The following GAB2 variants were observed in gnomAD, a reference collection of about 807,000 sequenced individuals.
GAB2 encodes GRB2-associated-binding protein 2.
In GAB2, 26 loss-of-function variants were observed where a neutral mutation model predicts 65.5. The ratio of observed to expected loss-of-function variants is 0.40; its 90% CI spans 0.29 to 0.55. The LOEUF (loss-of-function observed/expected upper bound fraction) is 0.55. Among genes scored for constraint, GAB2 ranks in the 20% least tolerant of loss-of-function variants. The pLI is 0.53. For missense variants in GAB2, 884 were observed against 875.8 expected (o/e 1.01, Z -0.12); for synonymous variants, 321 against 329.6 (o/e 0.97, Z 0.28).
intron 1 of GAB2, among the ~76,000 whole-genome samples, chr11:78,355,694 A>AAAAG: frequency 6.6e-6 from 1 of 151,372 alleles, no homozygotes; most frequent in African/African-American, 2.4e-5. Context: ...AAAAAAAAAA[A>AAAAG]AAAAAAAAAA....
chr11:78,237,106 G>A (rs962831103), intron 3 of GAB2, among the ~76,000 whole-genome samples: 2 of 152,198 alleles, frequency 1.3e-5, no homozygotes, highest in African/African-American at 4.8e-5. Context: ...CTGAAAGACT[G>A]TGGGTAAGAT....
chr11:78,255,601 C>A (rs374398272), intron 2 of GAB2, among the ~76,000 whole-genome samples: 2 of 152,136 alleles, frequency 1.3e-5, no homozygotes, highest in East Asian at 3.8e-4. Context: ...GATGAGGTTC[C>A]GGGGAGGTGC....
intron 1 of GAB2, among the ~76,000 whole-genome samples, chr11:78,332,175 G>A (rs1353061159): frequency 6.6e-6 from 1 of 152,178 alleles, no homozygotes; most frequent in African/African-American, 2.4e-5. Flanking sequence ...TCAGGAAATG[G>A]GCAGATTATG....
At chr11:78,361,099 C>T (rs1200737050) in intron 1 of GAB2, among the ~76,000 whole-genome samples, 3 of 152,040 alleles carry the variant, frequency 2.0e-5, no homozygotes, top group Non-Finnish European at 2.9e-5. Context: ...GCATAAAATG[C>T]TTAGATTATG....
chr11:78,363,475 C>T (rs1023270165), intron 1 of GAB2, among the ~76,000 whole-genome samples: 1 of 152,154 alleles, frequency 6.6e-6, no homozygotes, highest in African/African-American at 2.4e-5. Context: ...ATCTATGAAG[C>T]ACCTATTACA....
intron 1 of GAB2, among the ~76,000 whole-genome samples, chr11:78,316,266 T>G (rs527572728): frequency 5.9e-4 from 90 of 152,270 alleles, no homozygotes; most frequent in African/African-American, 2.0e-3. Context: ...GATGGCCTAT[T>G]GTGGGACTTT....
At chr11:78,275,048 A>G (rs1393187395) in intron 2 of GAB2, among the ~76,000 whole-genome samples, 1 of 152,198 alleles carries the variant, frequency 6.6e-6, no homozygotes, top group Non-Finnish European at 1.5e-5. Flanking sequence ...TGCTCAATAC[A>G]TAGCTGCGAT....
At chr11:78,288,479 T>C (rs1425221006) in intron 1 of GAB2, among the ~76,000 whole-genome samples, 1 of 149,806 alleles carries the variant, frequency 6.7e-6, no homozygotes, top group Admixed American at 6.6e-5. Context: ...GACGAATAAG[T>C]GAGTTCAGCA....
chr11:78,236,938 G>A (rs1367964364), intron 3 of GAB2, among the ~76,000 whole-genome samples: 1 of 152,088 alleles, frequency 6.6e-6, no homozygotes, highest in Non-Finnish European at 1.5e-5. Flanking sequence ...AGTTGGATTC[G>A]ACTGCTAATC....
chr11:78,249,751 T>C (rs1865394663), intron 3 of GAB2, among the ~76,000 whole-genome samples: 2 of 152,296 alleles, frequency 1.3e-5, no homozygotes, highest in Admixed American at 1.3e-4. Context: ...GTAGCTACTA[T>C]ACAGAACAGT....
intron 1 of GAB2, among the ~76,000 whole-genome samples, chr11:78,359,941 C>T (rs1856410697): frequency 6.6e-6 from 1 of 152,108 alleles, no homozygotes; most frequent in African/African-American, 2.4e-5. Flanking sequence ...AGATAATATT[C>T]ATAGGCAGCA....
At chr11:78,273,208 C>T (rs536662992) in intron 2 of GAB2, among the ~76,000 whole-genome samples, 7 of 152,214 alleles carry the variant, frequency 4.6e-5, no homozygotes, top group Non-Finnish European at 1.0e-4. Context: ...AGAAGGGCCA[C>T]CATCCTCCAG....
intron 1 of GAB2, among the ~76,000 whole-genome samples, chr11:78,376,375 C>T (rs1565177777): frequency 6.6e-6 from 1 of 152,158 alleles, no homozygotes; most frequent in African/African-American, 2.4e-5. Context: ...ATTCTAAGCA[C>T]TTTATGTATT....
intron 1 of GAB2, among the ~76,000 whole-genome samples, chr11:78,360,500 G>C (rs375961441): frequency 1.3e-5 from 2 of 152,042 alleles, no homozygotes; most frequent in South Asian, 2.1e-4. Flanking sequence ...TAAAATGTAT[G>C]TGCTGATAAA....
intron 1 of GAB2, among the ~76,000 whole-genome samples, chr11:78,338,438 G>C (rs1368932569): frequency 6.6e-6 from 1 of 152,128 alleles, no homozygotes; most frequent in Non-Finnish European, 1.5e-5. Flanking sequence ...ATGCTTGATT[G>C]CAACACTGAC....
chr11:78,260,335 A>T (rs1221182255), intron 2 of GAB2, among the ~76,000 whole-genome samples: 1 of 152,244 alleles, frequency 6.6e-6, no homozygotes, highest in Non-Finnish European at 1.5e-5. Flanking sequence ...AAGAGGAAAG[A>T]GAGCGAGTGA....
rs1309223980 is a variant in GAB2 at position 78,217,102 on chromosome 11, C to CAG, written c.*2168_*2169dup. Reference sequence around the variant, plus strand: ...ACTCATCCCCTTCTAAGGCCTACCTCAGGCACTCCCTTTTCCTAGAATCCA... The same window carrying CAG: ...ACTCATCCCCTTCTAAGGCCTACCTCAGAGGCACTCCCTTTTCCTAGAATCCA... On this transcript the variant is annotated 3_prime_UTR_variant, in exon 10 of 10. Transcript: ENST00000361507. 1 of 152,164 alleles carries CAG rather than the reference C, an allele frequency of 6.6e-6. No individual in the cohort carries two copies. The highest frequency in any genetic ancestry group is 2.4e-5 in the African/African-American group (1 of 41,248). The allele number at this position is 152,164 out of a possible 1,614,324, so 9.4% of individuals were successfully genotyped here. A position where few individuals can be genotyped will look rare whatever the true frequency, so the allele number is the denominator to read the frequency against.
intron 1 of GAB2, among the ~76,000 whole-genome samples, chr11:78,371,183 C>T (rs1433136082): frequency 3.3e-5 from 5 of 152,188 alleles, no homozygotes; most frequent in Admixed American, 6.5e-5. Flanking sequence ...TCTCACACAA[C>T]GCATACCCTT....
chr11:78,312,683 C>T (rs1027118031), intron 1 of GAB2, among the ~76,000 whole-genome samples: 17 of 152,194 alleles, frequency 1.1e-4, no homozygotes, highest in African/African-American at 3.6e-4. Context: ...ACTGCCTCAG[C>T]CTCCCAAAGT....
Sources: gnomAD v4.1 joint callset for allele counts (sites outside exome capture counted in the v4.1 genomes callset) on GRCh38, gnomAD v4.1.1 for gene constraint, MANE v1.5 for transcripts, NCBI Gene and HGNC (gene_info 2026-07-23, HGNC 2026-07-21) for gene names.